OXR1: variants seen among roughly 807,000 people sequenced by gnomAD.
The protein encoded by OXR1 is oxidation resistance protein 1.
OXR1 carries 41 observed loss-of-function variants against 104.6 expected under a neutral mutation model. The ratio of observed to expected loss-of-function variants is 0.39; its 90% CI spans 0.31 to 0.51. OXR1 has a LOEUF of 0.51. Ranked by LOEUF, OXR1 falls within the 20% of genes least tolerant of loss-of-function variation. The pLI, the probability that OXR1 is intolerant of heterozygous loss-of-function variation, is 0.77. For missense variants in OXR1, 955 were observed against 1,031.9 expected (o/e 0.93, Z 1.02); for synonymous variants, 348 against 348.4 (o/e 1.00, Z 0.01).
chr8:106,603,447 T>C (rs1820124679), intron 3 of OXR1, among the ~76,000 whole-genome samples: 1 of 152,202 alleles, frequency 6.6e-6, no homozygotes, highest in Non-Finnish European at 1.5e-5. Context: ...TTAAATGGTA[T>C]ATGGTAGATA....
chr8:106,699,351 T>G (rs1830383692), intron 7 of OXR1, among the ~76,000 whole-genome samples: 1 of 152,180 alleles, frequency 6.6e-6, no homozygotes, highest in Non-Finnish European at 1.5e-5. Context: ...CCTCTAAAGC[T>G]TTCTCACTGG....
At position 106,751,051 on chromosome 8, in the gene OXR1, A is replaced by G; in HGVS notation, c.*110A>G. 1.3e-6 allele frequency: 1 copy of G among 759,524 alleles called. No homozygotes were observed. The highest frequency in any genetic ancestry group is 2.7e-5 in the East Asian group (1 of 36,766). The allele number at this position is 759,524 out of a possible 1,614,324, so 47.0% of individuals were successfully genotyped here. A position where few individuals can be genotyped will look rare whatever the true frequency, so the allele number is the denominator to read the frequency against. ...TGTAACATGTCACTTGTGCTTTAAA[A>G]TTAGTCTGTATCACCATTTATTACA... On this transcript the variant is annotated 3_prime_UTR_variant, in exon 17 of 17. Coordinates refer to ENST00000517566, the MANE Select transcript of OXR1 (RefSeq NM_001198533.2).
intron 2 of OXR1, among the ~76,000 whole-genome samples, chr8:106,469,639 C>A (rs1045737730): frequency 6.6e-6 from 1 of 151,806 alleles, no homozygotes; most frequent in African/African-American, 2.4e-5. Context: ...AGTAAATGGG[C>A]AGCTTGTGAT....
At chr8:106,579,116 ATT>A (rs1818062227) in intron 3 of OXR1, among the ~76,000 whole-genome samples, 1 of 150,308 alleles carries the variant, frequency 6.7e-6, no homozygotes. Context: ...TAGCTGGACT[ATT>A]TTGATTATAC....
rs983027258 is a variant in OXR1, at chr8:106,492,700, A to G, written c.24-26243A>G. On this transcript the variant is annotated intron_variant, in intron 2 of 16. Transcript: ENST00000517566. ...TTTACAAGCTTTTAAGTTACTGTCT[A>G]CAGGTATTTGGGGTATAAGAAGCTG... is the stretch of plus-strand genomic sequence containing the variant. 5.9e-5 allele frequency among the ~76,000 whole-genome samples: 9 copies of G among 152,212 alleles called. No homozygotes were observed. The South Asian group carries it at 1.4e-3, about 25-fold the overall frequency.
At chr8:106,299,066 C>T (rs1813124261) in intron 1 of OXR1, among the ~76,000 whole-genome samples, 1 of 151,664 alleles carries the variant, frequency 6.6e-6, no homozygotes, top group Non-Finnish European at 1.5e-5. Flanking sequence ...ACAATCAAAC[C>T]CCAAATCTCA....
chr8:106,520,382 C>T (rs930265759), intron 3 of OXR1: 1 of 152,144 alleles, frequency 6.6e-6, no homozygotes, highest in Admixed American at 6.5e-5. Context: ...TCTGTCAAGT[C>T]ATTTTCCAAT....
chr8:106,517,046 A>G (rs1048912339), intron 2 of OXR1, among the ~76,000 whole-genome samples: 1 of 152,154 alleles, frequency 6.6e-6, no homozygotes, highest in Admixed American at 6.6e-5. Flanking sequence ...TCTCATGAAA[A>G]TGTTTTATTG....
At chr8:106,661,195 C>T (rs1227445163) in intron 3 of OXR1, among the ~76,000 whole-genome samples, 1 of 151,838 alleles carries the variant, frequency 6.6e-6, no homozygotes, top group Admixed American at 6.6e-5. Context: ...CAAACCAAAA[C>T]CAAAAAAAAC....
chr8:106,517,853 T>G (rs775031092), intron 2 of OXR1, among the ~76,000 whole-genome samples: 15 of 152,320 alleles, frequency 9.8e-5, no homozygotes, highest in Non-Finnish European at 1.5e-4. Context: ...ATTGCTTTCA[T>G]TAATGACTCT....
At chr8:106,659,718 G>A (rs1825556124) in intron 3 of OXR1, among the ~76,000 whole-genome samples, 1 of 152,134 alleles carries the variant, frequency 6.6e-6, no homozygotes, top group Non-Finnish European at 1.5e-5. Context: ...TGATTCATTC[G>A]GTGGCCCGTG....
chr8:106,487,459 C>A (rs1415309490), intron 2 of OXR1, among the ~76,000 whole-genome samples: 2 of 148,146 alleles, frequency 1.4e-5, no homozygotes, highest in Non-Finnish European at 3.0e-5. Flanking sequence ...TTTTAGGGTA[C>A]ATGTGCACAT....
At chr8:106,474,353 A>G (rs2129677392) in intron 2 of OXR1, among the ~76,000 whole-genome samples, 1 of 151,952 alleles carries the variant, frequency 6.6e-6, no homozygotes, top group Non-Finnish European at 1.5e-5. Flanking sequence ...GTATTTCTTT[A>G]GATTACAGTG....
chr8:106,582,733 T>A (rs1336969281), intron 3 of OXR1, among the ~76,000 whole-genome samples: 1 of 152,106 alleles, frequency 6.6e-6, no homozygotes, highest in African/African-American at 2.4e-5. Flanking sequence ...AAATAACCAC[T>A]AAAGCTTATC....
intron 11 of OXR1, chr8:106,726,369 T>C (rs1312009964): frequency 5.7e-6 from 5 of 874,384 alleles, no homozygotes; most frequent in Non-Finnish European, 8.4e-6. Flanking sequence ...GGTGACATTA[T>C]GAAAAATTAT....
intron 2 of OXR1, among the ~76,000 whole-genome samples, chr8:106,514,014 T>C (rs1473825612): frequency 6.6e-6 from 1 of 152,144 alleles, no homozygotes; most frequent in Non-Finnish European, 1.5e-5. Flanking sequence ...AGTCTGCTTA[T>C]AGGAGCCATG....
intron 3 of OXR1, among the ~76,000 whole-genome samples, chr8:106,645,771 A>C (rs1169573683): frequency 6.6e-6 from 1 of 152,166 alleles, no homozygotes; most frequent in African/African-American, 2.4e-5. Flanking sequence ...AAGAGGAATA[A>C]GTTCTATTCC....
intron 2 of OXR1, among the ~76,000 whole-genome samples, chr8:106,466,367 G>T (rs929210849): frequency 2.0e-5 from 3 of 151,798 alleles, no homozygotes; most frequent in African/African-American, 7.3e-5. Context: ...TGGGGAGAGT[G>T]TGGCAGACAA....
chr8:106,505,572 G>C (rs1812105106), intron 2 of OXR1, among the ~76,000 whole-genome samples: 1 of 152,130 alleles, frequency 6.6e-6, no homozygotes, highest in Non-Finnish European at 1.5e-5. Flanking sequence ...GGGTGAAGTG[G>C]GAGCTAGGGA....
Sources: gnomAD v4.1 joint callset for allele counts (sites outside exome capture counted in the v4.1 genomes callset) on GRCh38, gnomAD v4.1.1 for gene constraint, MANE v1.5 for transcripts, NCBI Gene and HGNC (gene_info 2026-07-23, HGNC 2026-07-21) for gene names.